ADGRV1: variants seen among roughly 807,000 people sequenced by gnomAD.
ADGRV1 encodes the protein adhesion G protein-coupled receptor V1, also known as G-protein coupled receptor 98.
A neutral mutation model predicts 596.2 loss-of-function variants in ADGRV1; 359 were observed. That is an observed-to-expected ratio of 0.60 (90% CI 0.55 to 0.66). ADGRV1 has a LOEUF of 0.66. ADGRV1 is among the 30% of genes least tolerant of loss of function. The probability of loss-of-function intolerance (pLI) is 0.00; values close to 1 mark genes in which losing one functional copy is unlikely to be tolerated. For missense variants in ADGRV1, 7,274 were observed against 7,575.6 expected (o/e 0.96, Z 1.48); for synonymous variants, 2,681 against 2,679.2 (o/e 1.00, Z -0.02).
intron 83 of ADGRV1, among the ~76,000 whole-genome samples, chr5:90,914,746 C>T (rs1773193932): frequency 6.6e-6 from 1 of 152,076 alleles, no homozygotes; most frequent in East Asian, 1.9e-4. Flanking sequence ...CAGTTTAAAC[C>T]TACCAGCTAA....
chr5:90,697,346 A>G (rs1334068405), intron 34 of ADGRV1, among the ~76,000 whole-genome samples, 200 bp downstream of exon 34: 1 of 152,098 alleles, frequency 6.6e-6, no homozygotes, highest in African/African-American at 2.4e-5. Context: ...AACCAATACC[A>G]TGTTCTAGCT....
At chr5:90,895,171 C>G (rs1771188226) in intron 83 of ADGRV1, among the ~76,000 whole-genome samples, 1 of 151,974 alleles carries the variant, frequency 6.6e-6, no homozygotes, top group Non-Finnish European at 1.5e-5. Flanking sequence ...CTCAAGTGAT[C>G]CTCATGCCTT....
At chr5:90,971,887 A>G (rs71578707) in intron 84 of ADGRV1, among the ~76,000 whole-genome samples, 1 of 152,244 alleles carries the variant, frequency 6.6e-6, no homozygotes, top group Non-Finnish European at 1.5e-5. Flanking sequence ...AAATGCTCCA[A>G]TTAAAAGACA....
intron 17 of ADGRV1, among the ~76,000 whole-genome samples, chr5:90,650,035 C>A (rs1010783649): frequency 2.0e-5 from 3 of 151,606 alleles, no homozygotes; most frequent in Non-Finnish European, 4.4e-5. Context: ...TGACAAAAAT[C>A]TCTAGAGCTT....
At chr5:90,576,133 C>G (rs1757168291) in intron 1 of ADGRV1, among the ~76,000 whole-genome samples, 1 of 152,072 alleles carries the variant, frequency 6.6e-6, no homozygotes, top group South Asian at 2.1e-4. Flanking sequence ...TATTATTATA[C>G]TTTAAGTTCT....
chr5:91,163,542 A>G (rs1797123143), intron 89 of ADGRV1, among the ~76,000 whole-genome samples: 1 of 152,230 alleles, frequency 6.6e-6, no homozygotes, highest in Admixed American at 6.5e-5. Flanking sequence ...CAAACAGTAA[A>G]GATTGAGAAC....
intron 1 of ADGRV1, among the ~76,000 whole-genome samples, chr5:90,610,270 A>C (rs1339849536): frequency 6.6e-6 from 1 of 152,040 alleles, no homozygotes; most frequent in Non-Finnish European, 1.5e-5. Flanking sequence ...TACGTAATCC[A>C]GGTAAAAAAT....
chr5:90,616,471 T>C (rs530520796), intron 2 of ADGRV1, among the ~76,000 whole-genome samples: 11 of 152,166 alleles, frequency 7.2e-5, no homozygotes, highest in Non-Finnish European at 1.5e-4. Context: ...CAACTTTAGG[T>C]TGAGTTTGGG....
chr5:91,128,086 T>C (rs1340165364), intron 87 of ADGRV1, among the ~76,000 whole-genome samples: 1 of 151,838 alleles, frequency 6.6e-6, no homozygotes, highest in Non-Finnish European at 1.5e-5. Context: ...TGTCTCCCAA[T>C]GCCCTCCCCT....
chr5:90,590,668 C>T (rs1210123506), intron 1 of ADGRV1, among the ~76,000 whole-genome samples: 2 of 152,192 alleles, frequency 1.3e-5, no homozygotes, highest in African/African-American at 4.8e-5. Flanking sequence ...GGGGAGAGGA[C>T]TTAGACTCCA....
intron 85 of ADGRV1, among the ~76,000 whole-genome samples, chr5:91,054,102 T>TGTGTGTGTGTGTGA (rs1299621929): frequency 7.9e-6 from 1 of 126,672 alleles, no homozygotes; most frequent in African/African-American, 3.2e-5. Flanking sequence ...TGTGTGTGTG[T>TGTGTGTGTGTGTGA]GAGAGAGAGA....
intron 74 of ADGRV1, among the ~76,000 whole-genome samples, chr5:90,813,716 C>A (rs1202864177): frequency 2.0e-5 from 3 of 152,172 alleles, no homozygotes; most frequent in Admixed American, 6.5e-5. Context: ...CCTTTACCTG[C>A]AAATGTTGCC....
chr5:90,700,730 G>A (rs982205873), intron 34 of ADGRV1, among the ~76,000 whole-genome samples: 1 of 152,064 alleles, frequency 6.6e-6, no homozygotes, highest in Non-Finnish European at 1.5e-5. Context: ...CCGCTCTACT[G>A]GAAACACTCA....
At chr5:90,745,327 T>C in intron 51 of ADGRV1, 62 bp downstream of exon 51, 1 of 1,067,248 alleles carries the variant, frequency 9.4e-7, no homozygotes, top group East Asian at 2.4e-5. Context: ...TGACAGCTCA[T>C]TTCCAAGTCA....
intron 85 of ADGRV1, among the ~76,000 whole-genome samples, chr5:91,045,290 C>T (rs143625543): frequency 1.3e-4 from 20 of 152,200 alleles, no homozygotes; most frequent in African/African-American, 4.8e-4. Context: ...AAATCCTCAA[C>T]AAAATACTGG....
At chr5:91,061,975 G>T (rs182827264) in intron 85 of ADGRV1, among the ~76,000 whole-genome samples, 139 of 152,290 alleles carry the variant, frequency 9.1e-4, no homozygotes, top group Admixed American at 1.8e-3. Flanking sequence ...CAAGTTGAAG[G>T]GGGGTGGGAG....
intron 85 of ADGRV1, among the ~76,000 whole-genome samples, chr5:90,994,731 A>C (rs1335146112): frequency 1.3e-5 from 2 of 152,182 alleles, no homozygotes; most frequent in African/African-American, 4.8e-5. Flanking sequence ...GTTGCTATTT[A>C]TTGACTTTTC....
chr5:90,571,170 C>T (rs1756478905), intron 1 of ADGRV1, among the ~76,000 whole-genome samples: 1 of 152,008 alleles, frequency 6.6e-6, no homozygotes, highest in African/African-American at 2.4e-5. Context: ...GCTTGGTTAG[C>T]TTAGTGGTCA....
chr5:91,002,524 G>T (rs1468604979), intron 85 of ADGRV1, among the ~76,000 whole-genome samples: 3 of 151,734 alleles, frequency 2.0e-5, no homozygotes, highest in African/African-American at 7.3e-5. Flanking sequence ...CTTTATTTGG[G>T]CCTTATTTTG....
Sources: allele counts gnomAD v4.1 joint callset (sites outside exome capture counted in the v4.1 genomes callset), GRCh38; gene constraint gnomAD v4.1.1; transcripts MANE v1.5; gene names NCBI Gene and HGNC (gene_info 2026-07-23, HGNC 2026-07-21).